YWHAE: variants seen among roughly 807,000 people sequenced by gnomAD.
The protein encoded by YWHAE is tyrosine 3-monooxygenase/tryptophan 5-monooxygenase activation protein epsilon, also known as 14-3-3 protein epsilon.
YWHAE carries 4 observed loss-of-function variants against 30.1 expected under a neutral mutation model. That is an observed-to-expected ratio of 0.13 (90% confidence interval 0.07 to 0.30). The LOEUF is 0.30. Among genes scored for constraint, YWHAE ranks in the 10% least tolerant of loss-of-function variants. The pLI is 1.00. For missense variants in YWHAE, 121 were observed against 315.9 expected, an observed-to-expected ratio of 0.38 and a Z score of 4.68; for synonymous variants, 118 against 111.8, an observed-to-expected ratio of 1.06 and a Z score of -0.35.
At chr17:1,384,425 C>T (rs528514329) in intron 1 of YWHAE, among the ~76,000 whole-genome samples, 12 of 151,488 alleles carry the variant, frequency 7.9e-5, no homozygotes, top group African/African-American at 1.7e-4. Context: ...GGCGCGGTGG[C>T]TCACGCCTGT....
chr17:1,384,210 A>C (rs1473248161), intron 1 of YWHAE, among the ~76,000 whole-genome samples: 1 of 152,124 alleles, frequency 6.6e-6, no homozygotes, highest in Non-Finnish European at 1.5e-5. Context: ...TCTCAAAAAA[A>C]TAAAAATAAA....
At chr17:1,346,569 T>A (rs1003524338) in intron 5 of YWHAE, among the ~76,000 whole-genome samples, 2 of 152,192 alleles carry the variant, frequency 1.3e-5, no homozygotes, top group Non-Finnish European at 2.9e-5. Flanking sequence ...AAATGACAAA[T>A]GTCACAGCAT....
intron 1 of YWHAE, among the ~76,000 whole-genome samples, chr17:1,365,721 T>G (rs764895874): frequency 2.1e-4 from 32 of 152,178 alleles, no homozygotes; most frequent in Non-Finnish European, 3.7e-4. Context: ...AAATAGTAAC[T>G]GAATAAATAC....
intron 4 of YWHAE, among the ~76,000 whole-genome samples, chr17:1,356,106 C>T (rs2072735949): frequency 6.6e-6 from 1 of 151,666 alleles, no homozygotes; most frequent in South Asian, 2.1e-4. Context: ...GAGGCGGAGC[C>T]TGCAGTGAGC....
At position 1,400,029 on chromosome 17, in the gene YWHAE, G is replaced by A; in HGVS notation, c.64+18C>T. 2.1e-6 allele frequency: 2 copies of A among 945,814 alleles called. No homozygotes were observed. Among genetic ancestry groups the A allele is most frequent in the Non-Finnish European group, 3.3e-6 (2 of 602,764 alleles). 58.6% of individuals were successfully genotyped at this position (945,814 alleles called of 1,614,324 possible). On this transcript the variant is annotated intron_variant, in intron 1 of 5. Transcript: ENST00000264335. ...GAGGGTCCGAGAATTCCAGCCCCCC[G>A]TTGCCCCCCCAACTCACCGTCGTAT...
intron 1 of YWHAE, among the ~76,000 whole-genome samples, chr17:1,387,611 C>T (rs981533956): frequency 4.0e-5 from 6 of 151,414 alleles, no homozygotes; most frequent in African/African-American, 1.5e-4. Context: ...GAGTGTTAAG[C>T]ATTTCTTTGC....
At chr17:1,364,351 C>T (rs563088709) in intron 2 of YWHAE, among the ~76,000 whole-genome samples, 231 of 151,996 alleles carry the variant, frequency 1.5e-3, no homozygotes, top group Non-Finnish European at 2.7e-3. Flanking sequence ...CTCAGCCTCC[C>T]GAGTAGCTGG....
At chr17:1,392,510 A>C (rs2073403329) in intron 1 of YWHAE, among the ~76,000 whole-genome samples, 2 of 152,260 alleles carry the variant, frequency 1.3e-5, no homozygotes, top group Non-Finnish European at 2.9e-5. Context: ...CACCCGGAAC[A>C]ACACTGGTGA....
chr17:1,394,160 AT>A (rs1325934634), intron 1 of YWHAE, among the ~76,000 whole-genome samples: 3 of 152,190 alleles, frequency 2.0e-5, no homozygotes, highest in African/African-American at 7.2e-5. Context: ...TTAATAACTG[AT>A]TAGCCACATG....
intron 4 of YWHAE, among the ~76,000 whole-genome samples, chr17:1,357,019 C>T (rs62087921): frequency 6.6e-6 from 1 of 151,736 alleles, no homozygotes; most frequent in Non-Finnish European, 1.5e-5. Flanking sequence ...CCTGTAATCC[C>T]AGCACTTTGG....
chr17:1,354,784 T>C (rs906363825), intron 4 of YWHAE, among the ~76,000 whole-genome samples: 1 of 151,816 alleles, frequency 6.6e-6, no homozygotes, highest in African/African-American at 2.4e-5. Flanking sequence ...TGCCTCAGCC[T>C]CCCGAATGGC....
intron 1 of YWHAE, among the ~76,000 whole-genome samples, chr17:1,377,206 A>C (rs752124332): frequency 4.6e-5 from 7 of 152,034 alleles, no homozygotes; most frequent in Non-Finnish European, 1.0e-4. Flanking sequence ...GGGTTACCAC[A>C]CCCGGCCCTA....
chr17:1,354,787 C>A (rs752461793), intron 4 of YWHAE, among the ~76,000 whole-genome samples: 1 of 151,774 alleles, frequency 6.6e-6, no homozygotes, highest in Non-Finnish European at 1.5e-5. Context: ...CTCAGCCTCC[C>A]GAATGGCTGG....
At chr17:1,361,725 G>T in intron 3 of YWHAE, 177 bp downstream of exon 3, 1 of 524,986 alleles carries the variant, frequency 1.9e-6, no homozygotes, top group Non-Finnish European at 3.4e-6. Flanking sequence ...ATATAAATAA[G>T]CAAAAGCTAA....
chr17:1,356,465 G>C (rs1252490971), intron 4 of YWHAE, among the ~76,000 whole-genome samples: 1 of 152,196 alleles, frequency 6.6e-6, no homozygotes, highest in Non-Finnish European at 1.5e-5. Flanking sequence ...AATCTCAATG[G>C]ATAAGGAGAA....
At chr17:1,346,451 T>C (rs1371467671) in intron 5 of YWHAE, among the ~76,000 whole-genome samples, 1 of 152,246 alleles carries the variant, frequency 6.6e-6, no homozygotes, top group African/African-American at 2.4e-5. Flanking sequence ...CCATTCATAA[T>C]GCTTGTTAAA....
At chr17:1,399,758 C>CCGG in intron 1 of YWHAE, 1 of 319,058 alleles carries the variant, frequency 3.1e-6, no homozygotes, top group Non-Finnish European at 6.0e-6. Context: ...TCCCCCGCCC[C>CCGG]GGGACTCGCC....
At chr17:1,391,260 A>G in intron 1 of YWHAE, among the ~76,000 whole-genome samples, 1 of 152,054 alleles carries the variant, frequency 6.6e-6, no homozygotes, top group East Asian at 1.9e-4. Flanking sequence ...TTTTCCTTTG[A>G]CTTATATTCT....
chr17:1,399,836 T>G (rs1418138884), intron 1 of YWHAE: 3 of 501,578 alleles, frequency 6.0e-6, no homozygotes, highest in Non-Finnish European at 1.1e-5. Context: ...GCCCGCGAGT[T>G]GTTTGCAGTT....
Sources: gnomAD v4.1 joint callset for allele counts (sites outside exome capture counted in the v4.1 genomes callset) on GRCh38, gnomAD v4.1.1 for gene constraint, MANE v1.5 for transcripts, NCBI Gene and HGNC (gene_info 2026-07-23, HGNC 2026-07-21) for gene names.